Variants in DCC observed in about 807,000 individuals in gnomAD.
DCC encodes the protein netrin receptor DCC.
A neutral mutation model predicts 172.5 loss-of-function variants in DCC; 58 were observed. The observed-to-expected ratio is 0.34, with a 90% CI of 0.27 to 0.42. DCC has a LOEUF of 0.42. DCC is among the 10% of genes least tolerant of loss of function. DCC has a pLI of 1.00. For missense variants in DCC, 1,740 were observed against 1,791.0 expected, an observed-to-expected ratio of 0.97 and a Z score of 0.51; for synonymous variants, 709 against 644.5, an observed-to-expected ratio of 1.10 and a Z score of -1.52.
chr18:53,288,410 C>T lies in DCC; in HGVS notation c.1912-17168C>T, dbSNP rs533545727. Among the ~76,000 whole-genome samples, 20 of 152,090 alleles carry T rather than the reference C, an allele frequency of 1.3e-4. No individual in the cohort carries two copies. In the South Asian group the frequency reaches 2.7e-3, roughly 20 times the overall value. On this transcript the variant is annotated intron_variant, in intron 12 of 28. Transcript: ENST00000442544. The stretch of plus-strand genomic sequence containing the variant: ...TAGTTACATTAGAATGATCACTGGG[C>T]GGTTTCTTTCCATGTTGCATAATTG...
At chr18:52,680,505 T>C (rs1049063411) in intron 1 of DCC, among the ~76,000 whole-genome samples, 2 of 152,114 alleles carry the variant, frequency 1.3e-5, no homozygotes, top group Non-Finnish European at 2.9e-5. Flanking sequence ...CCATCAGAGG[T>C]CTTATCTCAG....
chr18:52,820,596 A>G (rs550958365), intron 2 of DCC, among the ~76,000 whole-genome samples: 1 of 152,272 alleles, frequency 6.6e-6, no homozygotes, highest in Admixed American at 6.5e-5. Flanking sequence ...GAACAGGATG[A>G]AAAGGGCAGC....
At chr18:52,917,483 T>G (rs554963391) in intron 3 of DCC, among the ~76,000 whole-genome samples, 50 of 152,272 alleles carry the variant, frequency 3.3e-4, no homozygotes, top group Non-Finnish European at 3.4e-4. Context: ...ACCCAACAGT[T>G]TGGGATTCAC....
At chr18:52,490,643 C>A (rs1043578636) in intron 1 of DCC, among the ~76,000 whole-genome samples, 34 of 152,026 alleles carry the variant, frequency 2.2e-4, no homozygotes, top group Admixed American at 2.2e-3. Flanking sequence ...CTTGAATATT[C>A]TTTTTCCTAT....
intron 18 of DCC, among the ~76,000 whole-genome samples, chr18:53,402,228 C>T (rs893448945): frequency 1.2e-4 from 18 of 151,800 alleles, no homozygotes; most frequent in Admixed American, 9.2e-4. Flanking sequence ...CTACAAAAAT[C>T]AAAATTAAAA....
At chr18:52,927,843 G>A (rs565276265) in intron 5 of DCC, among the ~76,000 whole-genome samples, 1 of 152,184 alleles carries the variant, frequency 6.6e-6, no homozygotes, top group East Asian at 1.9e-4. Context: ...CAGCCATTGT[G>A]GAAAGCAGTG....
chr18:52,529,260 A>G (rs549637490), intron 1 of DCC, among the ~76,000 whole-genome samples: 2 of 152,290 alleles, frequency 1.3e-5, no homozygotes, highest in East Asian at 1.9e-4. Flanking sequence ...TTGCTCCGAC[A>G]TTTTAAGCAG....
chr18:52,728,590 A>G (rs1288247215), intron 1 of DCC, among the ~76,000 whole-genome samples: 1 of 152,222 alleles, frequency 6.6e-6, no homozygotes, highest in Non-Finnish European at 1.5e-5. Flanking sequence ...AGATAGATGC[A>G]TTGTAAATGG....
At chr18:52,904,260 G>A (rs982021529) in intron 2 of DCC, among the ~76,000 whole-genome samples, 1 of 152,118 alleles carries the variant, frequency 6.6e-6, no homozygotes, top group Non-Finnish European at 1.5e-5. Flanking sequence ...TAGGATTGCA[G>A]GTCTATTTCT....
chr18:52,425,277 A>G (rs180819298), intron 1 of DCC, among the ~76,000 whole-genome samples: 2 of 152,230 alleles, frequency 1.3e-5, no homozygotes, highest in Admixed American at 1.3e-4. Flanking sequence ...GGGTGTGGCT[A>G]AACTGGTGTC....
chr18:52,967,855 A>G (rs1197054363), intron 5 of DCC, among the ~76,000 whole-genome samples: 1 of 152,188 alleles, frequency 6.6e-6, no homozygotes, highest in African/African-American at 2.4e-5. Flanking sequence ...GTGGCACTTT[A>G]TGCAAGTAAA....
chr18:53,512,464 T>C (rs2046269248), intron 27 of DCC, among the ~76,000 whole-genome samples: 1 of 151,024 alleles, frequency 6.6e-6, no homozygotes, highest in African/African-American at 2.4e-5. Flanking sequence ...GGATGGAGAA[T>C]GACTTTGACG....
At chr18:52,907,117 A>G (rs1257003586) in intron 3 of DCC, among the ~76,000 whole-genome samples, 1 of 151,138 alleles carries the variant, frequency 6.6e-6, no homozygotes, top group Non-Finnish European at 1.5e-5. Context: ...ATCTATTTAC[A>G]TTTCCATTAC....
At chr18:53,052,642 G>A (rs1244633231) in intron 5 of DCC, among the ~76,000 whole-genome samples, 1 of 152,092 alleles carries the variant, frequency 6.6e-6, no homozygotes, top group Non-Finnish European at 1.5e-5. Flanking sequence ...GTAGGGGAAT[G>A]AGTTTAGTTG....
At chr18:53,326,465 T>C (rs8098702) in intron 14 of DCC, among the ~76,000 whole-genome samples, 15,821 of 152,184 alleles carry the variant, frequency 0.1, 883 homozygotes, top group Middle Eastern at 0.19. Context: ...TTTCCTTTCT[T>C]TCCTTCTGGT....
At chr18:53,290,953 G>A (rs376977271) in intron 12 of DCC, among the ~76,000 whole-genome samples, 17 of 152,108 alleles carry the variant, frequency 1.1e-4, no homozygotes, top group Non-Finnish European at 1.9e-4. Context: ...CGGATCACGA[G>A]GTCAGGAGTT....
intron 1 of DCC, among the ~76,000 whole-genome samples, chr18:52,351,431 G>C (rs1217294228): frequency 7.6e-6 from 1 of 131,348 alleles, no homozygotes; most frequent in Admixed American, 8.0e-5. Context: ...CCTTTTCCTT[G>C]ATTTTTTTAT....
intron 1 of DCC, among the ~76,000 whole-genome samples, chr18:52,433,320 C>G (rs573993003): frequency 6.6e-6 from 1 of 152,170 alleles, no homozygotes; most frequent in African/African-American, 2.4e-5. Flanking sequence ...ACTCACATTG[C>G]TTTCATATCC....
At chr18:53,319,756 C>G (rs1272121335) in intron 13 of DCC, among the ~76,000 whole-genome samples, 2 of 152,258 alleles carry the variant, frequency 1.3e-5, no homozygotes, top group African/African-American at 4.8e-5. Flanking sequence ...GGCAGAAGTT[C>G]TGCCTCAGGG....
Sources: allele counts gnomAD v4.1 joint callset (sites outside exome capture counted in the v4.1 genomes callset), GRCh38; gene constraint gnomAD v4.1.1; transcripts MANE v1.5; gene names NCBI Gene and HGNC (gene_info 2026-07-23, HGNC 2026-07-21).